MOB1B: variants seen among roughly 807,000 people sequenced by gnomAD.
MOB1B encodes MOB kinase activator 1B, also known as MOB1 Mps One Binder homolog B.
A neutral mutation model predicts 24.4 loss-of-function variants in MOB1B; 19 were observed. The observed-to-expected ratio is 0.78, with a 90% CI of 0.54 to 1.14. The LOEUF is 1.14. Among genes scored for constraint, MOB1B ranks in the 50% most tolerant of loss-of-function variants. MOB1B has a pLI of 0.00. For synonymous variants in MOB1B, 76 were observed against 82.1 expected (o/e 0.93, Z 0.40); for missense variants, 243 against 259.6 (o/e 0.94, Z 0.44).
At chr4:70,931,472 A>G (rs866198439) in intron 1 of MOB1B, among the ~76,000 whole-genome samples, 1 of 152,204 alleles carries the variant, frequency 6.6e-6, no homozygotes, top group Non-Finnish European at 1.5e-5. Flanking sequence ...TTCTTCCTAA[A>G]CATGTTAGAG....
At chr4:70,935,601 G>A (rs572518450) in intron 1 of MOB1B, among the ~76,000 whole-genome samples, 1 of 152,134 alleles carries the variant, frequency 6.6e-6, no homozygotes, top group Admixed American at 6.5e-5. Flanking sequence ...TGGTGAATGT[G>A]TGTGTGTGTA....
At chr4:70,909,594 T>G (rs1735895445) in intron 1 of MOB1B, among the ~76,000 whole-genome samples, 1 of 152,172 alleles carries the variant, frequency 6.6e-6, no homozygotes, top group African/African-American at 2.4e-5. Flanking sequence ...GTTCAGTAAT[T>G]AGCAGGAATC....
chr4:70,902,218 G>A (rs1735534944), upstream of MOB1B: 5 of 512,794 alleles, frequency 9.8e-6, no homozygotes, highest in Non-Finnish European at 1.4e-5. Context: ...GGGCCGGGGT[G>A]GGCTTGCACC....
intron 1 of MOB1B, 120 bp downstream of exon 1, chr4:70,902,670 C>T (rs1735563329): frequency 2.1e-6 from 2 of 971,444 alleles, no homozygotes; most frequent in Non-Finnish European, 2.8e-6. Flanking sequence ...TCCCGGGGCC[C>T]GGCGTCACCA....
At chr4:70,902,834 C>CG (rs1735572630) in intron 1 of MOB1B, among the ~76,000 whole-genome samples, 1 of 152,230 alleles carries the variant, frequency 6.6e-6, no homozygotes, top group Non-Finnish European at 1.5e-5. Flanking sequence ...TCATCACCCC[C>CG]GTCTCTGCCT....
chr4:70,981,969 A>AT lies in MOB1B; in HGVS notation c.574-10dup. ...TGCTATTTATTCTGCCTTTCTTTAT[A>AT]TCATGCATAGGAATTCAACCTTATT... On this transcript the variant is annotated splice_polypyrimidine_tract_variant and intron_variant, in intron 5 of 5. Transcript: ENST00000309395. The AT allele has an allele frequency of 6.4e-7, 1 of 1,567,850 alleles. No individual in the cohort carries two copies. The highest frequency in any genetic ancestry group is 8.8e-7 in the Non-Finnish European group (1 of 1,140,144).
At chr4:70,957,965 T>C (rs1315638070) in intron 1 of MOB1B, among the ~76,000 whole-genome samples, 1 of 151,808 alleles carries the variant, frequency 6.6e-6, no homozygotes, top group Admixed American at 6.6e-5. Flanking sequence ...CATTAAAAAA[T>C]ATTTATGTGT....
intron 2 of MOB1B, among the ~76,000 whole-genome samples, chr4:70,967,034 C>A (rs749509106): frequency 1.3e-5 from 2 of 151,956 alleles, no homozygotes; most frequent in African/African-American, 4.8e-5. Context: ...TAAAGCATAC[C>A]TATTTGCAGA....
intron 1 of MOB1B, among the ~76,000 whole-genome samples, chr4:70,922,692 TC>T (rs1203410078): frequency 6.6e-6 from 1 of 152,230 alleles, no homozygotes; most frequent in African/African-American, 2.4e-5. Flanking sequence ...CTATTTTTAT[TC>T]CACCTATAAT....
At chr4:70,966,920 G>GA (rs1284108172) in intron 2 of MOB1B, among the ~76,000 whole-genome samples, 2 of 151,082 alleles carry the variant, frequency 1.3e-5, no homozygotes, top group African/African-American at 2.4e-5. Context: ...AAATCAAGGA[G>GA]AAAAAAAATC....
At chr4:70,955,147 T>G (rs1040495736) in intron 1 of MOB1B, among the ~76,000 whole-genome samples, 2 of 152,138 alleles carry the variant, frequency 1.3e-5, no homozygotes, top group Non-Finnish European at 2.9e-5. Flanking sequence ...AAGAAAACAT[T>G]GGAAGCCTAA....
intron 1 of MOB1B, among the ~76,000 whole-genome samples, chr4:70,941,378 G>T (rs936994493): frequency 6.6e-6 from 1 of 152,146 alleles, no homozygotes; most frequent in African/African-American, 2.4e-5. Context: ...GTCTCGCTCT[G>T]TTGCCCAGGC....
intron 1 of MOB1B, among the ~76,000 whole-genome samples, chr4:70,956,285 GA>G (rs879765060): frequency 6.6e-6 from 1 of 151,410 alleles, no homozygotes; most frequent in Non-Finnish European, 1.5e-5. Flanking sequence ...TTCTCTGGTT[GA>G]AAAAAAATTT....
At chr4:70,958,720 G>A in intron 1 of MOB1B, 154 bp from the exon 2 acceptor site, 4 of 843,730 alleles carry the variant, frequency 4.7e-6, no homozygotes, top group African/African-American at 1.7e-5. Context: ...AGCAGAGAAA[G>A]TTTGTAGGAG....
intron 4 of MOB1B, chr4:70,976,484 T>C: frequency 1.0e-6 from 1 of 985,380 alleles, no homozygotes; most frequent in Non-Finnish European, 1.2e-6. Flanking sequence ...TGTATTTACT[T>C]TTAAGGGCAG....
intron 2 of MOB1B, among the ~76,000 whole-genome samples, chr4:70,968,460 C>A (rs1046046263): frequency 6.6e-6 from 1 of 151,982 alleles, no homozygotes; most frequent in African/African-American, 2.4e-5. Context: ...TACAGGCATG[C>A]GCCACCACAC....
intron 4 of MOB1B, chr4:70,976,332 T>C: frequency 1.0e-6 from 1 of 985,176 alleles, no homozygotes; most frequent in Non-Finnish European, 1.2e-6. Context: ...TCCAGTGTTA[T>C]TTAGTAATAT....
At chr4:70,976,751 T>TAC (rs1409768589) in intron 4 of MOB1B, 115 of 265,206 alleles carry the variant, frequency 4.3e-4, no homozygotes, top group Non-Finnish European at 5.7e-4. Context: ...AAGACTGAAT[T>TAC]ACATATATAT....
Position 70,976,475 on chromosome 4 carries a change from G to A in MOB1B, c.409+1189G>A, listed in dbSNP as rs937172695. 10 of 985,144 alleles carry A rather than the reference G, an allele frequency of 1.0e-5. No homozygotes were observed. In the African/African-American group the frequency reaches 1.6e-4, roughly 15 times the overall value. The allele number at this position is 985,144 out of a possible 1,614,324, so 61.0% of individuals were successfully genotyped here. ...ATCGGCTGAGTGACTTTGCTTTTTT[G>A]TATTTACTTTTAAGGGCAGACTTAT... On this transcript the variant is annotated intron_variant, in intron 4 of 5. Transcript: ENST00000309395.
Sources: allele counts gnomAD v4.1 joint callset (sites outside exome capture counted in the v4.1 genomes callset), GRCh38; gene constraint gnomAD v4.1.1; transcripts MANE v1.5; gene names NCBI Gene and HGNC (gene_info 2026-07-23, HGNC 2026-07-21).